The following LRBA variants were observed in gnomAD, a reference collection of about 807,000 sequenced individuals.
LRBA encodes the protein lipopolysaccharide-responsive and beige-like anchor protein.
A neutral mutation model predicts 330.0 loss-of-function variants in LRBA; 176 were observed. The ratio of observed to expected loss-of-function variants is 0.53; its 90% CI spans 0.47 to 0.60. The LOEUF (loss-of-function observed/expected upper bound fraction) is 0.60, where lower values mean the gene tolerates loss of function less well. Among genes scored for constraint, LRBA ranks in the 20% least tolerant of loss-of-function variants. The pLI is 0.00. For synonymous variants in LRBA, 1,230 were observed against 1,193.0 expected (o/e 1.03, Z -0.64); for missense variants, 3,259 against 3,444.8 (o/e 0.95, Z 1.35).
At position 150,953,121 on chromosome 4, in the gene LRBA, A is replaced by T. The variant is rs371403354; in HGVS notation, c.217-24056T>A. Reference sequence around the variant, plus strand: ...CATTTCTATCTGAAGAGCGTATCTGAAGAGTTCTGTTAGTTACAAAATAAC... The same window carrying T: ...CATTTCTATCTGAAGAGCGTATCTGTAGAGTTCTGTTAGTTACAAAATAAC... On this transcript the variant is annotated intron_variant, in intron 2 of 56. Transcript: ENST00000651943. Among the ~76,000 whole-genome samples, 6 of 152,338 alleles carry T rather than the reference A, an allele frequency of 3.9e-5. No individual in the cohort carries two copies. In the East Asian group the frequency reaches 1.2e-3, roughly 29 times the overall value.
intron 46 of LRBA, among the ~76,000 whole-genome samples, chr4:150,430,151 T>C (rs1049923558): frequency 1.3e-5 from 2 of 152,134 alleles, no homozygotes; most frequent in Non-Finnish European, 2.9e-5. Context: ...ACAGTTACCT[T>C]CTAAATATAT....
intron 36 of LRBA, among the ~76,000 whole-genome samples, chr4:150,700,542 T>C (rs1437075821): frequency 6.6e-6 from 1 of 152,198 alleles, no homozygotes; most frequent in Non-Finnish European, 1.5e-5. Flanking sequence ...TATACTACTG[T>C]AGACTTTATA....
chr4:150,491,077 GT>G (rs745651410), intron 40 of LRBA, 42 bp from the exon 41 acceptor site: 9 of 915,050 alleles, frequency 9.8e-6, no homozygotes, highest in Non-Finnish European at 1.2e-5. Context: ...AACAATACTT[GT>G]TTTTTGTTGT....
intron 48 of LRBA, among the ~76,000 whole-genome samples, chr4:150,332,410 A>C (rs773811603): frequency 7.9e-5 from 12 of 152,038 alleles, no homozygotes; most frequent in Non-Finnish European, 1.6e-4. Context: ...TTTACTGCCT[A>C]TTTATCTAAT....
chr4:150,278,193 A>C (rs1238657521), intron 55 of LRBA, among the ~76,000 whole-genome samples, 189 bp from the exon 56 acceptor site: 1 of 152,242 alleles, frequency 6.6e-6, no homozygotes, highest in African/African-American at 2.4e-5. Context: ...GACAAAGTTC[A>C]TCAATGCTTG....
chr4:150,447,274 T>C (rs891183238), intron 44 of LRBA, among the ~76,000 whole-genome samples: 1 of 152,222 alleles, frequency 6.6e-6, no homozygotes, highest in Non-Finnish European at 1.5e-5. Flanking sequence ...TTTCTTGGTA[T>C]GTCTGTGAAG....
At chr4:150,619,565 A>T (rs1234412294) in intron 37 of LRBA, among the ~76,000 whole-genome samples, 9 of 152,186 alleles carry the variant, frequency 5.9e-5, no homozygotes. Context: ...TATTCTACAG[A>T]TATCAACCAT....
At chr4:151,002,716 C>A (rs1208225586) in intron 2 of LRBA, among the ~76,000 whole-genome samples, 1 of 151,188 alleles carries the variant, frequency 6.6e-6, no homozygotes, top group Non-Finnish European at 1.5e-5. Context: ...AAATCTGGTA[C>A]TGAAGAATTA....
intron 26 of LRBA, 151 bp from the exon 27 acceptor site, chr4:150,844,930 A>G: frequency 1.5e-6 from 1 of 666,986 alleles, no homozygotes; most frequent in East Asian, 3.0e-5. Context: ...CCTAGACTTT[A>G]TCGCCTAGTG....
chr4:150,849,583 A>G lies in LRBA; in HGVS notation c.4005-8T>C. 7.5e-6 allele frequency: 12 copies of G among 1,606,764 alleles called. No individual in the cohort carries two copies. The highest frequency in any genetic ancestry group is 7.7e-6 in the Non-Finnish European group (9 of 1,174,114). On this transcript the variant is annotated splice_region_variant and splice_polypyrimidine_tract_variant and intron_variant, in intron 24 of 56. Coordinates refer to ENST00000651943, the MANE Select transcript of LRBA (RefSeq NM_001364905.1). ...ACTGTCTTTGTTGAATGGCTGTCCA[A>G]AGATAAATGATATTTACTGATAAAG... is the stretch of plus-strand genomic sequence containing the variant.
At chr4:150,878,464 C>A (rs1340666609) in intron 17 of LRBA, among the ~76,000 whole-genome samples, 1 of 151,896 alleles carries the variant, frequency 6.6e-6, no homozygotes, top group Admixed American at 6.6e-5. Flanking sequence ...AACCCCAAAG[C>A]TACCAGAAGA....
chr4:150,963,384 G>A (rs1148633), intron 2 of LRBA, among the ~76,000 whole-genome samples: 17,245 of 149,192 alleles, frequency 0.12, 2,528 homozygotes, highest in South Asian at 0.26. Flanking sequence ...ACGGGGTTTC[G>A]CCCTGTTGGC....
At chr4:150,501,364 C>A (rs761528385) in intron 40 of LRBA, among the ~76,000 whole-genome samples, 4 of 152,170 alleles carry the variant, frequency 2.6e-5, no homozygotes, top group Admixed American at 6.5e-5. Flanking sequence ...GTAATACCAG[C>A]ACTTTGGTAG....
intron 46 of LRBA, among the ~76,000 whole-genome samples, chr4:150,419,898 A>G (rs1748392152): frequency 6.7e-6 from 1 of 149,204 alleles, no homozygotes; most frequent in African/African-American, 2.4e-5. Context: ...TCGGCCTCCC[A>G]AAGTGCTGGG....
intron 44 of LRBA, among the ~76,000 whole-genome samples, chr4:150,454,174 T>C (rs1753755740): frequency 6.6e-6 from 1 of 152,144 alleles, no homozygotes. Context: ...TTGGCCAGGA[T>C]GGTCTTGATC....
intron 36 of LRBA, among the ~76,000 whole-genome samples, chr4:150,712,937 T>C (rs1786377366): frequency 6.6e-6 from 1 of 152,016 alleles, no homozygotes. Flanking sequence ...TTTTGGTTTT[T>C]TGGATTTTGT....
intron 47 of LRBA, among the ~76,000 whole-genome samples, chr4:150,371,429 G>A (rs1186202520): frequency 6.6e-6 from 1 of 151,930 alleles, no homozygotes. Flanking sequence ...CTGACCTCAG[G>A]TGATCTGCCT....
At chr4:150,643,028 T>G (rs749119445) in intron 37 of LRBA, among the ~76,000 whole-genome samples, 6 of 151,990 alleles carry the variant, frequency 3.9e-5, no homozygotes, top group Non-Finnish European at 8.8e-5. Flanking sequence ...ACATAAAAAT[T>G]TTGTACATAG....
intron 40 of LRBA, among the ~76,000 whole-genome samples, chr4:150,571,891 A>G (rs1769914135): frequency 6.6e-6 from 1 of 151,542 alleles, no homozygotes; most frequent in Admixed American, 6.6e-5. Context: ...TAATGTAAGC[A>G]TGTGATAGTT....
Sources: allele counts gnomAD v4.1 joint callset (sites outside exome capture counted in the v4.1 genomes callset), GRCh38; gene constraint gnomAD v4.1.1; transcripts MANE v1.5; gene names NCBI Gene and HGNC (gene_info 2026-07-23, HGNC 2026-07-21).